The following CACNA2D3 variants were observed in gnomAD, a reference collection of about 807,000 sequenced individuals.
CACNA2D3 encodes the protein calcium voltage-gated channel auxiliary subunit alpha2delta 3.
In CACNA2D3, 60 loss-of-function variants were observed where a neutral mutation model predicts 160.6. That is an observed-to-expected ratio of 0.37 (90% CI 0.30 to 0.46). The LOEUF is 0.46. CACNA2D3 is among the 20% of genes least tolerant of loss of function. The probability of loss-of-function intolerance (pLI) is 1.00; values close to 1 mark genes in which losing one functional copy is unlikely to be tolerated. For missense variants in CACNA2D3, 1,205 were observed against 1,365.0 expected, an observed-to-expected ratio of 0.88 and a Z score of 1.85; for synonymous variants, 558 against 492.9, an observed-to-expected ratio of 1.13 and a Z score of -1.75.
At chr3:54,364,359 G>A (rs1465037405) in intron 3 of CACNA2D3, among the ~76,000 whole-genome samples, 1 of 152,182 alleles carries the variant, frequency 6.6e-6, no homozygotes, top group Non-Finnish European at 1.5e-5. Context: ...AAGACCTTGA[G>A]CAATATCTAA....
intron 4 of CACNA2D3, among the ~76,000 whole-genome samples, chr3:54,402,215 G>A (rs1699480821): frequency 6.6e-6 from 1 of 151,552 alleles, no homozygotes; most frequent in East Asian, 1.9e-4. Context: ...AGAGGGAGAA[G>A]GGAACAAAGG....
At chr3:54,329,379 T>G (rs1229289539) in intron 3 of CACNA2D3, among the ~76,000 whole-genome samples, 1 of 152,138 alleles carries the variant, frequency 6.6e-6, no homozygotes, top group African/African-American at 2.4e-5. Context: ...GAGGGTGATA[T>G]GGATGGTATG....
chr3:54,657,230 G>A (rs948914225), intron 11 of CACNA2D3, among the ~76,000 whole-genome samples: 4 of 152,144 alleles, frequency 2.6e-5, no homozygotes, highest in Non-Finnish European at 4.4e-5. Flanking sequence ...GCAGGAACCC[G>A]CGGTCTGGAT....
intron 27 of CACNA2D3, among the ~76,000 whole-genome samples, chr3:54,921,743 T>A (rs4955908): frequency 6.6e-6 from 1 of 151,820 alleles, no homozygotes; most frequent in Admixed American, 6.6e-5. Flanking sequence ...GCTCGAGGGG[T>A]CTTATGTCCC....
intron 5 of CACNA2D3, among the ~76,000 whole-genome samples, chr3:54,534,185 T>C (rs1238841691): frequency 6.6e-6 from 1 of 152,214 alleles, no homozygotes; most frequent in Non-Finnish European, 1.5e-5. Flanking sequence ...TGCACCTCTG[T>C]TTCTGGACAG....
intron 3 of CACNA2D3, among the ~76,000 whole-genome samples, chr3:54,360,956 G>T (rs1174269831): frequency 6.6e-6 from 1 of 152,012 alleles, no homozygotes; most frequent in African/African-American, 2.4e-5. Context: ...TTTCAATGGT[G>T]TTAGAGTGTT....
intron 2 of CACNA2D3, among the ~76,000 whole-genome samples, chr3:54,141,330 GA>G (rs1016292853): frequency 7.9e-5 from 12 of 152,258 alleles, no homozygotes; most frequent in Admixed American, 7.2e-4. Context: ...CTTAGTAAGG[GA>G]AAGTGTTTCC....
At chr3:54,577,690 C>G (rs1472495075) in intron 8 of CACNA2D3, among the ~76,000 whole-genome samples, 1 of 152,294 alleles carries the variant, frequency 6.6e-6, no homozygotes, top group East Asian at 1.9e-4. Context: ...CTCATTCTTA[C>G]GTGCCAGGTT....
At chr3:54,228,356 G>C (rs1421190382) in intron 2 of CACNA2D3, among the ~76,000 whole-genome samples, 1 of 152,184 alleles carries the variant, frequency 6.6e-6, no homozygotes, top group Non-Finnish European at 1.5e-5. Context: ...TGTATGGCCT[G>C]TACAAGAATA....
chr3:54,174,438 TG>T (rs1700626478), intron 2 of CACNA2D3, among the ~76,000 whole-genome samples: 1 of 152,182 alleles, frequency 6.6e-6, no homozygotes, highest in African/African-American at 2.4e-5. Context: ...GGTTTTTAAG[TG>T]GGTTGGGATC....
chr3:54,988,423 G>A (rs1702664491), intron 31 of CACNA2D3, among the ~76,000 whole-genome samples: 1 of 152,124 alleles, frequency 6.6e-6, no homozygotes, highest in African/African-American at 2.4e-5. Flanking sequence ...TAAACTTCTG[G>A]GAAAAGCCAT....
intron 13 of CACNA2D3, among the ~76,000 whole-genome samples, chr3:54,778,732 A>G (rs1213761858): frequency 6.6e-6 from 1 of 152,214 alleles, no homozygotes; most frequent in Non-Finnish European, 1.5e-5. Context: ...TGTAAATCTC[A>G]TAGACTCAGA....
intron 35 of CACNA2D3, among the ~76,000 whole-genome samples, chr3:55,032,036 G>A (rs182095592): frequency 6.6e-6 from 1 of 152,268 alleles, no homozygotes; most frequent in East Asian, 1.9e-4. Flanking sequence ...TATGATTACT[G>A]TTTATCGAAT....
chr3:54,246,746 A>C (rs934677664), intron 2 of CACNA2D3, among the ~76,000 whole-genome samples: 3 of 152,300 alleles, frequency 2.0e-5, no homozygotes, highest in East Asian at 3.9e-4. Context: ...AAAAAGAGCC[A>C]GAATATCTCA....
intron 9 of CACNA2D3, among the ~76,000 whole-genome samples, chr3:54,586,370 G>A (rs1489372604): frequency 7.3e-6 from 1 of 137,196 alleles, no homozygotes; most frequent in Non-Finnish European, 1.7e-5. Context: ...TAAAGTAAGA[G>A]TGATTCTATT....
intron 35 of CACNA2D3, among the ~76,000 whole-genome samples, chr3:55,042,394 C>T (rs1453095325): frequency 2.0e-5 from 3 of 152,088 alleles, no homozygotes; most frequent in African/African-American, 7.2e-5. Flanking sequence ...CTTATTTTCA[C>T]TCTTAGAATA....
At position 54,504,777 on chromosome 3, in the gene CACNA2D3, T is replaced by G. The variant is rs942860190; in HGVS notation, c.544+1123T>G. On this transcript the variant is annotated intron_variant, in intron 5 of 37. Coordinates refer to ENST00000474759, the MANE Select transcript of CACNA2D3 (RefSeq NM_018398.3). ...CCTGATCTTCCTCTTGTAGGCTGTG[T>G]GATCTTAAGCAAGCAACTTTGCCTT... Among the ~76,000 whole-genome samples, 8 of 152,332 alleles carry G rather than the reference T, an allele frequency of 5.3e-5. No individual in the cohort carries two copies. The East Asian group carries it at 1.5e-3, about 29-fold the overall frequency.
intron 5 of CACNA2D3, among the ~76,000 whole-genome samples, chr3:54,549,791 G>A (rs890316646): frequency 3.9e-5 from 6 of 152,268 alleles, no homozygotes; most frequent in East Asian, 3.9e-4. Context: ...TGCTAGCCTC[G>A]GGGCTGTGTT....
At chr3:54,346,219 C>T (rs1007367145) in intron 3 of CACNA2D3, among the ~76,000 whole-genome samples, 11 of 152,062 alleles carry the variant, frequency 7.2e-5, no homozygotes, top group African/African-American at 1.9e-4. Flanking sequence ...GGTGAGGAGA[C>T]GGATGATAGG....
Sources: gnomAD v4.1 joint callset for allele counts (sites outside exome capture counted in the v4.1 genomes callset) on GRCh38, gnomAD v4.1.1 for gene constraint, MANE v1.5 for transcripts, NCBI Gene and HGNC (gene_info 2026-07-23, HGNC 2026-07-21) for gene names.